SPTB: variants seen among roughly 807,000 people sequenced by gnomAD.
SPTB encodes spectrin beta, erythrocytic.
In SPTB, 45 loss-of-function variants were observed where a neutral mutation model predicts 256.2. That is an observed-to-expected ratio of 0.18 (90% CI 0.14 to 0.23). SPTB has a LOEUF of 0.23. Among genes scored for constraint, SPTB ranks in the 10% least tolerant of loss-of-function variants. The pLI is 1.00. For missense variants in SPTB, 2,715 were observed against 3,040.4 expected (o/e 0.89, Z 2.52); for synonymous variants, 1,231 against 1,243.1 (o/e 0.99, Z 0.21).
intron 1 of SPTB, among the ~76,000 whole-genome samples, chr14:64,830,765 C>G (rs1208506548): frequency 1.3e-5 from 2 of 152,076 alleles, no homozygotes; most frequent in Non-Finnish European, 2.9e-5. Flanking sequence ...GCAGTACAGT[C>G]CAATTCTAAG....
intron 15 of SPTB, among the ~76,000 whole-genome samples, chr14:64,788,215 A>G (rs1301834492): frequency 6.6e-6 from 1 of 152,222 alleles, no homozygotes; most frequent in African/African-American, 2.4e-5. Context: ...ACAAAGCCCC[A>G]GTCAGTGAAC....
chr14:64,835,944 T>C (rs758312885), intron 1 of SPTB, among the ~76,000 whole-genome samples: 1 of 152,228 alleles, frequency 6.6e-6, no homozygotes, highest in Non-Finnish European at 1.5e-5. Context: ...TCAGTTTCCC[T>C]ACCTGTAAAA....
rs1486733229 is a variant in SPTB, at chr14:64,748,073, G to T, written c.*1233C>A. The T allele has an allele frequency of 6.6e-6, 1 of 152,224 alleles. No individual in the cohort carries two copies. Among genetic ancestry groups the T allele is most frequent in the Admixed American group, 6.5e-5 (1 of 15,274 alleles). 9.4% of individuals were successfully genotyped at this position (152,224 alleles called of 1,614,324 possible). ...CCCCGCCAAGACCTGGGGCCAGGAC[G>T]TGGAGAAGCTGATCAAGGGGTACCA... On this transcript the variant is annotated 3_prime_UTR_variant, in exon 36 of 36. Transcript: ENST00000644917.
chr14:64,805,744 G>A (rs1026446519), intron 2 of SPTB, among the ~76,000 whole-genome samples: 8 of 152,206 alleles, frequency 5.3e-5, no homozygotes, highest in African/African-American at 7.2e-5. Flanking sequence ...ATGTGGCAGC[G>A]CTGTGCTAGG....
Position 64,802,852 on chromosome 14 carries a change from G to A in SPTB, c.475-535C>T, listed in dbSNP as rs1282365147. ...CTCTAATAGAATGCAGAGAATCAGTGACAAGATGCCCTGATTCCTCCTCTG... is the reference window on the plus strand; with the variant it reads ...CTCTAATAGAATGCAGAGAATCAGTAACAAGATGCCCTGATTCCTCCTCTG... On this transcript the variant is annotated intron_variant, in intron 4 of 35. Coordinates refer to ENST00000644917, the MANE Select transcript of SPTB (RefSeq NM_001355436.2). This position sits in a 1 kb window ranked among gnomAD's most constrained non-coding sequence, Gnocchi z 5.1. Among the ~76,000 whole-genome samples, 1 of 152,194 alleles carries A rather than the reference G, an allele frequency of 6.6e-6. No individual in the cohort carries two copies. The highest frequency in any genetic ancestry group is 2.4e-5 in the African/African-American group (1 of 41,450).
chr14:64,786,084 G>T lies in SPTB; in HGVS notation c.3562-133C>A. 8 of 930,788 alleles carry T rather than the reference G, an allele frequency of 8.6e-6. No individual in the cohort carries two copies. Among genetic ancestry groups the T allele is most frequent in the African/African-American group, 1.6e-5 (1 of 61,754 alleles). 57.7% of individuals were successfully genotyped at this position (930,788 alleles called of 1,614,324 possible). A position where few individuals can be genotyped will look rare whatever the true frequency, so the allele number is the denominator to read the frequency against. ...GAGCCCCCTAGAGTAGTACAGGGAG[G>T]AGGCACTACTCCCCAGGCCTTGCCC... On this transcript the variant is annotated intron_variant, in intron 16 of 35. Coordinates refer to ENST00000644917, the MANE Select transcript of SPTB (RefSeq NM_001355436.2). This position sits in a 1 kb window ranked among gnomAD's most constrained non-coding sequence, Gnocchi z 5.6.
intron 33 of SPTB, chr14:64,752,444 C>T (rs529702846): frequency 3.4e-4 from 133 of 391,176 alleles, no homozygotes; most frequent in African/African-American, 1.2e-3. Context: ...TTTCTGACTC[C>T]GCGCTCAGGG....
At chr14:64,774,815 G>C (rs1020514243) in intron 23 of SPTB, among the ~76,000 whole-genome samples, 1 of 152,060 alleles carries the variant, frequency 6.6e-6, no homozygotes, top group East Asian at 1.9e-4. Flanking sequence ...AGCTTTGAGA[G>C]ACCCCCACCT....
In SPTB at chr14:64,847,241, T is replaced by C. The variant is rs2083707518; in HGVS notation, c.-51-24096A>G. Among the ~76,000 whole-genome samples the C allele has an allele frequency of 6.6e-6, 1 of 152,210 alleles. No individual in the cohort carries two copies. Among genetic ancestry groups the C allele is most frequent in the African/African-American group, 2.4e-5 (1 of 41,450 alleles). On this transcript the variant is annotated intron_variant, in intron 1 of 35. Coordinates refer to ENST00000644917, the MANE Select transcript of SPTB (RefSeq NM_001355436.2). The surrounding 1 kb of genome is among the most constrained non-coding windows in gnomAD (Gnocchi z 5.9). ...CAAAGGCCAGCGAAGACAGCCCAAC[T>C]TGGCTGTGGTCTTCTTTCCTAAAAC...
chr14:64,808,600 C>T (rs1329001214), intron 2 of SPTB, among the ~76,000 whole-genome samples: 1 of 152,082 alleles, frequency 6.6e-6, no homozygotes, highest in African/African-American at 2.4e-5. Context: ...TCATTGTTAT[C>T]GTCATTACTA....
intron 15 of SPTB, among the ~76,000 whole-genome samples, chr14:64,789,540 G>A (rs1000167430): frequency 2.0e-5 from 3 of 152,118 alleles, no homozygotes; most frequent in Admixed American, 6.6e-5. Flanking sequence ...TCCATGGGGC[G>A]GTCAGCGGGG....
In SPTB at chr14:64,797,763, G is replaced by A. The variant is rs1266679700; in HGVS notation, c.1148C>T (p.Pro383Leu). ...MRANNQKVYTPHDGKLVSDIN... is the reference protein window; with the variant it reads ...MRANNQKVYTLHDGKLVSDIN... ...GTCAGACACTAGTTTCCCATCGTGG[G>A]GTGTGTACACTTTCTGATTGTTGGC... Residue 383 changes from proline to leucine, a missense_variant, in exon 10 of 36, where the codon CCC becomes CTC. Coordinates refer to ENST00000644917, the MANE Select transcript of SPTB (RefSeq NM_001355436.2). 3.7e-6 allele frequency: 6 copies of A among 1,613,924 alleles called. No individual in the cohort carries two copies. In the South Asian group the frequency reaches 6.6e-5, roughly 18 times the overall value.
rs1472502654 is a variant in SPTB at position 64,792,343 on chromosome 14, A to G, written c.2667-487T>C. On this transcript the variant is annotated intron_variant, in intron 14 of 35. Coordinates refer to ENST00000644917, the MANE Select transcript of SPTB (RefSeq NM_001355436.2). This position sits in a 1 kb window ranked among gnomAD's most constrained non-coding sequence, Gnocchi z 4.2. ...GCTGCTGGGGCGGTGGTCGGGGGGA[A>G]TTTGTGGTTCTGAAGGCCGATCCTT... 2.6e-5 allele frequency among the ~76,000 whole-genome samples: 4 copies of G among 151,874 alleles called. No individual in the cohort carries two copies. Among genetic ancestry groups the G allele is most frequent in the Non-Finnish European group, 5.9e-5 (4 of 67,974 alleles).
intron 3 of SPTB, 113 bp from the exon 4 acceptor site, chr14:64,803,893 A>G: frequency 1.8e-6 from 2 of 1,117,954 alleles, no homozygotes; most frequent in Admixed American, 2.3e-5. Flanking sequence ...TCTTGGCCAA[A>G]CACCAAGTCC....
At position 64,852,102 on chromosome 14, in the gene SPTB, G is replaced by C. The variant is rs190110447; in HGVS notation, c.-52+27690C>G. 3.0e-4 allele frequency among the ~76,000 whole-genome samples: 46 copies of C among 152,302 alleles called. No individual in the cohort carries two copies. Among genetic ancestry groups the C allele is most frequent in the Admixed American group, 1.0e-3 (16 of 15,300 alleles). Reference sequence around the variant, plus strand: ...TTGTAAAAACAGGCTAGGTGACAACGAGGAAAGGGAAGTACCTGGGGTTTC... The same window carrying C: ...TTGTAAAAACAGGCTAGGTGACAACCAGGAAAGGGAAGTACCTGGGGTTTC... On this transcript the variant is annotated intron_variant, in intron 1 of 35. Coordinates refer to ENST00000644917, the MANE Select transcript of SPTB (RefSeq NM_001355436.2). This position sits in a 1 kb window ranked among gnomAD's most constrained non-coding sequence, Gnocchi z 4.2.
In SPTB at chr14:64,778,458, C is replaced by T. The variant is rs1401009095; in HGVS notation, c.4563+699G>A. Among the ~76,000 whole-genome samples, 1 of 152,142 alleles carries T rather than the reference C, an allele frequency of 6.6e-6. No individual in the cohort carries two copies. Among genetic ancestry groups the T allele is most frequent in the African/African-American group, 2.4e-5 (1 of 41,416 alleles). ...TCCAAGAAGGGTCTGTGGCCATTCC[C>T]CTGGCCGCTGCGACCCCACACAGCC... On this transcript the variant is annotated intron_variant, in intron 22 of 35. Coordinates refer to ENST00000644917, the MANE Select transcript of SPTB (RefSeq NM_001355436.2). This position sits in a 1 kb window ranked among gnomAD's most constrained non-coding sequence, Gnocchi z 5.2.
chr14:64,759,836 G>A lies in SPTB; in HGVS notation c.6346-6043C>T, dbSNP rs146906913. ...TCCCGCTGCTTGGAAGAAATTCTGGGTGTCCAGTTGCGGGCAGCAAGGGAG... is the reference window on the plus strand; with the variant it reads ...TCCCGCTGCTTGGAAGAAATTCTGGATGTCCAGTTGCGGGCAGCAAGGGAG... On this transcript the variant is annotated intron_variant, in intron 32 of 35. Coordinates refer to ENST00000644917, the MANE Select transcript of SPTB (RefSeq NM_001355436.2). The surrounding 1 kb of genome is among the most constrained non-coding windows in gnomAD (Gnocchi z 4.8). Among the ~76,000 whole-genome samples, 204 of 152,334 alleles carry A rather than the reference G, an allele frequency of 1.3e-3. 1 individual carries two copies. The highest frequency in any genetic ancestry group is 4.8e-3 in the African/African-American group (199 of 41,570).
At chr14:64,781,570 C>T (rs761285996) in intron 20 of SPTB, among the ~76,000 whole-genome samples, 37 of 152,092 alleles carry the variant, frequency 2.4e-4, no homozygotes, top group Admixed American at 7.2e-4. Context: ...AAATAACAGA[C>T]GCTGGCAAGG....
Position 64,753,544 on chromosome 14 carries a change from A to C in SPTB, c.6595T>G (p.Ser2199Ala), listed in dbSNP as rs2081980446. Residue 2199 changes from serine (S) to alanine (A), a missense_variant, in exon 33 of 36, where the codon TCC becomes GCC. By Grantham distance (99) the Ser-to-Ala change is moderately conservative (BLOSUM62 1). This residue lies in a region of SPTB where 2,239 missense variants were observed against 2,384.4 expected (regional missense o/e 0.94). Transcript: ENST00000644917. ...AGCCTCTCCCGCACTCACCTGTTGG[A>C]AGCCTTCTTGTTGGGCCCCTCCAGG... ...HDLEGPNKKASNRSWNNLYCV... is the reference protein window; with the variant it reads ...HDLEGPNKKAANRSWNNLYCV... 6.2e-7 allele frequency: 1 copy of C among 1,613,282 alleles called. No individual in the cohort carries two copies. The highest frequency in any genetic ancestry group is 1.3e-5 in the African/African-American group (1 of 74,848).
Sources: gnomAD v4.1 joint callset for allele counts (sites outside exome capture counted in the v4.1 genomes callset) on GRCh38, gnomAD v4.1.1 for gene constraint, gnomAD v4.1.1 regional missense constraint, Gnocchi (gnomAD v3.1) non-coding constraint, MANE v1.5 for transcripts, NCBI Gene and HGNC (gene_info 2026-07-23, HGNC 2026-07-21) for gene names.